The following KHDRBS2 variants were observed in gnomAD, a reference collection of about 807,000 sequenced individuals.
KHDRBS2 encodes the protein KH RNA binding domain containing, signal transduction associated 2, also known as KH domain-containing, RNA-binding, signal transduction-associated protein 2.
In KHDRBS2, 26 loss-of-function variants were observed where a neutral mutation model predicts 44.3. That is an observed-to-expected ratio of 0.59 (90% CI 0.43 to 0.81). KHDRBS2 has a LOEUF of 0.81. Among genes scored for constraint, KHDRBS2 ranks in the 40% least tolerant of loss-of-function variants. The pLI is 0.00. For missense variants in KHDRBS2, 476 were observed against 433.1 expected (o/e 1.10, Z -0.88); for synonymous variants, 194 against 151.1 (o/e 1.28, Z -2.08).
intron 6 of KHDRBS2, among the ~76,000 whole-genome samples, chr6:61,844,726 A>G (rs532652966): frequency 1.4e-5 from 2 of 138,970 alleles, no homozygotes; most frequent in Non-Finnish European, 3.1e-5. Flanking sequence ...TAGCATTCAT[A>G]TATTCTTGAT....
At chr6:61,987,673 T>C (rs1775309099) in intron 3 of KHDRBS2, among the ~76,000 whole-genome samples, 1 of 152,210 alleles carries the variant, frequency 6.6e-6, no homozygotes, top group South Asian at 2.1e-4. Flanking sequence ...CATTTTTAAA[T>C]GGGCATATGT....
intron 6 of KHDRBS2, among the ~76,000 whole-genome samples, chr6:61,746,333 G>A (rs1020536170): frequency 2.0e-5 from 3 of 152,028 alleles, no homozygotes; most frequent in Non-Finnish European, 2.9e-5. Context: ...ACAGGCCACT[G>A]TGTGTGATGT....
intron 2 of KHDRBS2, among the ~76,000 whole-genome samples, chr6:62,070,159 T>A (rs1220268588): frequency 1.3e-5 from 2 of 151,770 alleles, no homozygotes; most frequent in Non-Finnish European, 2.9e-5. Flanking sequence ...AGGTCCCTCT[T>A]TGCAATAGTG....
At position 61,894,780 on chromosome 6, in the gene KHDRBS2, G is replaced by A. The variant is rs149633424; in HGVS notation, c.665C>T (p.Thr222Ile). The stretch of plus-strand genomic sequence containing the variant: ...ACGGGTTACAGTGCTTCCCCGAGGG[G>A]TGAGAACACCTCGTCCAGGTGGTGG... ...PPPPPGRGVL[T>I]PRGSTVTRGA... Residue 222 changes from threonine to isoleucine, a missense_variant, in exon 6 of 9, where the codon ACC (threonine) becomes ATC (isoleucine). Thr to Ile is a moderately conservative substitution (Grantham distance 89, BLOSUM62 -1). Transcript: ENST00000281156. 731 of 1,613,306 alleles carry A rather than the reference G, an allele frequency of 4.5e-4. 1 individual carries two copies. The highest frequency in any genetic ancestry group is 1.2e-3 in the South Asian group (106 of 90,916).
At chr6:62,109,798 G>C (rs1312569889) in intron 2 of KHDRBS2, among the ~76,000 whole-genome samples, 1 of 150,902 alleles carries the variant, frequency 6.6e-6, no homozygotes, top group Non-Finnish European at 1.5e-5. Context: ...GAAAGGAAGG[G>C]AGAGAGAAAA....
chr6:62,087,259 C>G (rs1189527738), intron 2 of KHDRBS2, among the ~76,000 whole-genome samples: 6 of 151,942 alleles, frequency 3.9e-5, no homozygotes, highest in South Asian at 4.2e-4. Flanking sequence ...TACAAGAAAA[C>G]TGTTTTTCAC....
chr6:62,202,736 A>G (rs1466549918), intron 1 of KHDRBS2, among the ~76,000 whole-genome samples: 5 of 152,120 alleles, frequency 3.3e-5, no homozygotes, highest in Non-Finnish European at 7.4e-5. Context: ...AAGTGCCACT[A>G]AAGAAAAGTA....
intron 6 of KHDRBS2, among the ~76,000 whole-genome samples, chr6:61,787,125 G>A (rs998561272): frequency 8.0e-5 from 12 of 150,478 alleles, no homozygotes; most frequent in African/African-American, 2.9e-4. Flanking sequence ...GGTGCATAGA[G>A]TTACGGTGTT....
the KHDRBS2 span, among the ~76,000 whole-genome samples, chr6:61,556,740 C>A: frequency 6.6e-5 from 10 of 152,226 alleles, no homozygotes; most frequent in South Asian, 8.3e-4. Flanking sequence ...GTGTCTGGTA[C>A]AAGTGCTTTA....
intron 4 of KHDRBS2, among the ~76,000 whole-genome samples, chr6:61,958,221 C>T (rs867380438): frequency 6.6e-6 from 1 of 152,104 alleles, no homozygotes; most frequent in South Asian, 2.1e-4. Context: ...TCTTTGTGGA[C>T]ACAATTTCCA....
intron 6 of KHDRBS2, among the ~76,000 whole-genome samples, chr6:61,795,420 T>TGATG (rs975908975): frequency 6.6e-6 from 1 of 151,944 alleles, no homozygotes; most frequent in African/African-American, 2.4e-5. Flanking sequence ...GCCAATAACT[T>TGATG]GATGGGAACT....
At chr6:61,993,675 T>TATA (rs61137285) in intron 3 of KHDRBS2, among the ~76,000 whole-genome samples, 7,032 of 74,672 alleles carry the variant, frequency 0.094, 665 homozygotes, top group Non-Finnish European at 0.13. Context: ...ATATATATAT[T>TATA]TTTTTTTTTT....
chr6:62,027,893 A>C (rs1783658566), intron 3 of KHDRBS2, among the ~76,000 whole-genome samples: 1 of 152,086 alleles, frequency 6.6e-6, no homozygotes, highest in African/African-American at 2.4e-5. Flanking sequence ...TAATCTAGTT[A>C]AGTAAATTGT....
chr6:62,044,803 T>TG (rs1787318665), intron 3 of KHDRBS2, among the ~76,000 whole-genome samples: 3 of 152,084 alleles, frequency 2.0e-5, no homozygotes, highest in Admixed American at 2.0e-4. Flanking sequence ...ATTTTAAACA[T>TG]GGCTAATCTT....
intron 6 of KHDRBS2, among the ~76,000 whole-genome samples, chr6:61,889,508 A>C (rs759888005): frequency 6.9e-6 from 1 of 145,680 alleles, no homozygotes; most frequent in Non-Finnish European, 1.5e-5. Flanking sequence ...TCACACATCC[A>C]CGTATTTTCC....
At chr6:61,893,463 G>A (rs922339492) in intron 6 of KHDRBS2, among the ~76,000 whole-genome samples, 19 of 152,066 alleles carry the variant, frequency 1.2e-4, no homozygotes, top group East Asian at 1.9e-4. Context: ...TGTTTATTGC[G>A]ACACTATTCA....
chr6:61,588,299 A>T, the KHDRBS2 span, among the ~76,000 whole-genome samples: 4 of 152,130 alleles, frequency 2.6e-5, no homozygotes, highest in Non-Finnish European at 4.4e-5. Flanking sequence ...CATTCATTGC[A>T]GCTGCTGCTG....
At chr6:61,804,848 G>A (rs1786880007) in intron 6 of KHDRBS2, among the ~76,000 whole-genome samples, 1 of 152,122 alleles carries the variant, frequency 6.6e-6, no homozygotes, top group African/African-American at 2.4e-5. Flanking sequence ...TTTCGTCTTA[G>A]GCCTCTGGGC....
intron 6 of KHDRBS2, among the ~76,000 whole-genome samples, chr6:61,776,586 A>T (rs1003588812): frequency 3.3e-5 from 5 of 152,192 alleles, no homozygotes; most frequent in African/African-American, 9.7e-5. Flanking sequence ...AACCATAATG[A>T]GATACCTTCT....
Sources: gnomAD v4.1 joint callset for allele counts (sites outside exome capture counted in the v4.1 genomes callset) on GRCh38, gnomAD v4.1.1 for gene constraint, MANE v1.5 for transcripts, NCBI Gene and HGNC (gene_info 2026-07-23, HGNC 2026-07-21) for gene names.